The following C8orf88 variants were observed in gnomAD, a reference collection of about 807,000 sequenced individuals.
C8orf88 encodes uncharacterized protein C8orf88.
A neutral mutation model predicts 18.4 loss-of-function variants in C8orf88; 14 were observed. That is an observed-to-expected ratio of 0.76 (90% CI 0.50 to 1.19). The LOEUF (loss-of-function observed/expected upper bound fraction) is 1.19. Ranked by LOEUF, C8orf88 falls within the 50% of genes most tolerant of loss-of-function variation. The pLI, the probability that C8orf88 is intolerant of heterozygous loss-of-function variation, is 0.00. For synonymous variants in C8orf88, 45 were observed against 42.9 expected (o/e 1.05, Z -0.19); for missense variants, 116 against 134.7 (o/e 0.86, Z 0.69).
At chr8:90,965,139 T>C (rs148649409) in intron 4 of C8orf88, among the ~76,000 whole-genome samples, 98 of 151,766 alleles carry the variant, frequency 6.5e-4, no homozygotes, top group African/African-American at 1.9e-3. Context: ...AAGAGACTCA[T>C]TTTGGATCCA....
chr8:90,982,684 C>A (rs1811450697), intron 1 of C8orf88, among the ~76,000 whole-genome samples: 1 of 152,028 alleles, frequency 6.6e-6, no homozygotes, highest in South Asian at 2.1e-4. Context: ...AGGAAAGATA[C>A]AGCAATGGCT....
chr8:90,972,321 A>G (rs1018518386), intron 3 of C8orf88, among the ~76,000 whole-genome samples: 2 of 152,072 alleles, frequency 1.3e-5, no homozygotes, highest in Non-Finnish European at 2.9e-5. Context: ...CTTTTTAAGT[A>G]GAGGAGAAAA....
chr8:90,971,120 C>A lies in C8orf88; in HGVS notation c.169G>T (p.Ala57Ser). 1 of 1,521,132 alleles carries A rather than the reference C, an allele frequency of 6.6e-7. No individual in the cohort carries two copies. The highest frequency in any genetic ancestry group is 1.2e-5 in the South Asian group (1 of 81,410). The allele number at this position is 1,521,132 out of a possible 1,614,324, so 94.2% of individuals were successfully genotyped here. ...VSRCKTNGMQAFSQGLNEQQQ... is the reference protein window; with the variant it reads ...VSRCKTNGMQSFSQGLNEQQQ... ...TGCTCATTAAGACCTTGAGAAAAGG[C>A]TTGCATTCCATTCGTCTTACACTGT... Residue 57 changes from alanine (A) to serine (S), a missense_variant, in exon 4 of 6, where the codon GCC becomes TCC. Physicochemically the swap from Ala to Ser is moderately conservative, Grantham distance 99 (BLOSUM62 1). Transcript: ENST00000517562.
At chr8:90,960,297 A>C (rs1327154989) in intron 5 of C8orf88, among the ~76,000 whole-genome samples, 1 of 151,528 alleles carries the variant, frequency 6.6e-6, no homozygotes, top group East Asian at 1.9e-4. Context: ...CTAATTGAAC[A>C]GAATGGATAG....
At chr8:90,979,584 T>G (rs1235192202) in intron 2 of C8orf88, among the ~76,000 whole-genome samples, 2 of 152,208 alleles carry the variant, frequency 1.3e-5, no homozygotes, top group African/African-American at 2.4e-5. Context: ...CTGGTGCCAC[T>G]TCTACCTTTT....
At chr8:90,966,816 A>T (rs1436338312) in intron 4 of C8orf88, among the ~76,000 whole-genome samples, 1 of 152,074 alleles carries the variant, frequency 6.6e-6, no homozygotes, top group Non-Finnish European at 1.5e-5. Flanking sequence ...AGTTAAAAAT[A>T]GCAAAAGATG....
chr8:90,960,971 C>CA, intron 4 of C8orf88, 123 bp from the exon 5 acceptor site: 1 of 435,742 alleles, frequency 2.3e-6, no homozygotes, highest in East Asian at 3.5e-5. Context: ...TGTGTCTATG[C>CA]AAAAGAGAAG....
rs538217831 is a variant in C8orf88, at chr8:90,962,658, G to C, written c.224-1810C>G. Among the ~76,000 whole-genome samples the C allele has an allele frequency of 7.6e-4, 115 of 151,644 alleles. 1 individual carries two copies. The highest frequency in any genetic ancestry group is 2.7e-3 in the African/African-American group (111 of 41,454). ...TTTTATAGGTTCCCAGAACTGGAGGGAGTAGTACAGACTTTATTCTCAAAA... is the reference window on the plus strand; with the variant it reads ...TTTTATAGGTTCCCAGAACTGGAGGCAGTAGTACAGACTTTATTCTCAAAA... On this transcript the variant is annotated intron_variant, in intron 4 of 5. Transcript: ENST00000517562.
chr8:90,962,682 A>C (rs1252678319), intron 4 of C8orf88, among the ~76,000 whole-genome samples: 1 of 151,606 alleles, frequency 6.6e-6, no homozygotes, highest in African/African-American at 2.4e-5. Flanking sequence ...TTATTCTCAA[A>C]AAATTATGAT....
chr8:90,970,002 C>G (rs897954040), intron 4 of C8orf88, among the ~76,000 whole-genome samples: 1 of 151,800 alleles, frequency 6.6e-6, no homozygotes, highest in Non-Finnish European at 1.5e-5. Context: ...TAGTATAAAA[C>G]AAGTGTGACA....
intron 3 of C8orf88, among the ~76,000 whole-genome samples, chr8:90,976,063 CTAACT>C (rs1282536923): frequency 6.6e-6 from 1 of 151,818 alleles, no homozygotes; most frequent in Non-Finnish European, 1.5e-5. Context: ...ACAGTAAAAA[CTAACT>C]TATCTATCAT....
chr8:90,981,717 T>C (rs1811437734), intron 1 of C8orf88, among the ~76,000 whole-genome samples: 1 of 152,126 alleles, frequency 6.6e-6, no homozygotes, highest in Non-Finnish European at 1.5e-5. Flanking sequence ...TATTCTAGTA[T>C]CTGCAACATA....
intron 4 of C8orf88, among the ~76,000 whole-genome samples, chr8:90,964,001 A>C (rs1189099164): frequency 6.6e-6 from 1 of 151,632 alleles, no homozygotes; most frequent in African/African-American, 2.4e-5. Flanking sequence ...ACAACCCCCA[A>C]CTTATGATGG....
chr8:90,980,287 A>G, intron 2 of C8orf88, 76 bp downstream of exon 2: 2 of 852,138 alleles, frequency 2.3e-6, no homozygotes, highest in Non-Finnish European at 3.3e-6. Flanking sequence ...AATACTTTAT[A>G]TATTATTTAG....
chr8:90,974,420 C>T (rs1811320487), intron 3 of C8orf88, among the ~76,000 whole-genome samples: 1 of 152,136 alleles, frequency 6.6e-6, no homozygotes, highest in Non-Finnish European at 1.5e-5. Context: ...CCAGTATTAA[C>T]TGACAGCCAT....
At chr8:90,960,629 CT>C (rs1364147782) in intron 5 of C8orf88, 112 bp downstream of exon 5, 5 of 552,212 alleles carry the variant, frequency 9.1e-6, no homozygotes, top group African/African-American at 3.9e-5. Context: ...TTCTGAATTA[CT>C]TATATCTTAT....
At position 90,961,097 on chromosome 8, in the gene C8orf88, T is replaced by C. The variant is rs147848477; in HGVS notation, c.224-249A>G. Among the ~76,000 whole-genome samples the C allele has an allele frequency of 3.9e-3, 585 of 151,502 alleles. 6 individuals are homozygous for C. In the East Asian group the frequency reaches 0.044, roughly 11 times the overall value. On this transcript the variant is annotated intron_variant, in intron 4 of 5. Coordinates refer to ENST00000517562, the MANE Select transcript of C8orf88 (RefSeq NM_001190972.2). ...TATAATTAAGAAAATGGGAAATGCA[T>C]GGCTTTTTTCATCTGGTTATTCAGG...
chr8:90,984,694 G>A (rs1811479996), intron 1 of C8orf88, among the ~76,000 whole-genome samples: 1 of 152,120 alleles, frequency 6.6e-6, no homozygotes, highest in Non-Finnish European at 1.5e-5. Context: ...TGTCCTTTCC[G>A]TAGCTTTGAC....
rs538314479 is a variant in C8orf88, at chr8:90,978,278, T to C, written c.147+301A>G. On this transcript the variant is annotated intron_variant, in intron 3 of 5. Coordinates refer to ENST00000517562, the MANE Select transcript of C8orf88 (RefSeq NM_001190972.2). ...AGTACAAATATATTCATGGAAAAAA[T>C]AAATTGAGGATAGTTATCCATGGGC... 3.3e-5 allele frequency among the ~76,000 whole-genome samples: 5 copies of C among 151,996 alleles called. No individual in the cohort carries two copies. In the East Asian group the frequency reaches 7.7e-4, roughly 24 times the overall value.
Sources: allele counts gnomAD v4.1 joint callset (sites outside exome capture counted in the v4.1 genomes callset), GRCh38; gene constraint gnomAD v4.1.1; transcripts MANE v1.5; gene names NCBI Gene and HGNC (gene_info 2026-07-23, HGNC 2026-07-21).